The following NRG3 variants were observed in gnomAD, a reference collection of about 807,000 sequenced individuals.
NRG3 encodes pro-neuregulin-3, membrane-bound isoform.
A neutral mutation model predicts 66.9 loss-of-function variants in NRG3; 31 were observed. The observed-to-expected ratio is 0.46, with a 90% CI of 0.35 to 0.63. The LOEUF (loss-of-function observed/expected upper bound fraction) is 0.63, where lower values mean the gene tolerates loss of function less well. Ranked by LOEUF, NRG3 falls within the 20% of genes least tolerant of loss-of-function variation. The pLI, the probability that NRG3 is intolerant of heterozygous loss-of-function variation, is 0.00. For synonymous variants in NRG3, 393 were observed against 359.4 expected, an observed-to-expected ratio of 1.09 and a Z score of -1.06; for missense variants, 910 against 878.9, an observed-to-expected ratio of 1.04 and a Z score of -0.45.
intron 2 of NRG3, among the ~76,000 whole-genome samples, chr10:82,389,440 T>A (rs2086212151): frequency 6.6e-6 from 1 of 152,188 alleles, no homozygotes; most frequent in African/African-American, 2.4e-5. Flanking sequence ...CTTCACATTC[T>A]CATATCTTTA....
rs144283265 is a variant in NRG3 at position 82,543,458 on chromosome 10, C to T, written c.953+184590C>T. On this transcript the variant is annotated intron_variant, in intron 2 of 8. Transcript: ENST00000372141. ...TGCTGTTACAAGTAATTTATCTGTC[C>T]ATCTGTCCATGTATCTATCCACCAA... Among the ~76,000 whole-genome samples, 29 of 152,114 alleles carry T rather than the reference C, an allele frequency of 1.9e-4. No homozygotes were observed. In the East Asian group the frequency reaches 5.6e-3, roughly 29 times the overall value.
In NRG3 at chr10:82,478,596, A is replaced by T. The variant is rs1378444705; in HGVS notation, c.953+119728A>T. Among the ~76,000 whole-genome samples the T allele has an allele frequency of 3.4e-5, 2 of 59,092 alleles. 1 individual carries two copies. The highest frequency in any genetic ancestry group is 8.3e-5 in the African/African-American group (2 of 24,024). The allele number at this position is 59,092 out of a possible 152,430, so 38.8% of individuals were successfully genotyped here. ...TAAGGTCACAGATCAACAGGATCCCAAGGCAGAGGAATTTTTCTTAGTGCA... is the reference window on the plus strand; with the variant it reads ...TAAGGTCACAGATCAACAGGATCCCTAGGCAGAGGAATTTTTCTTAGTGCA... On this transcript the variant is annotated intron_variant, in intron 2 of 8. Transcript: ENST00000372141.
At chr10:82,528,530 G>A (rs1039246030) in intron 2 of NRG3, among the ~76,000 whole-genome samples, 1 of 152,098 alleles carries the variant, frequency 6.6e-6, no homozygotes, top group Non-Finnish European at 1.5e-5. Flanking sequence ...TCTACTGTCA[G>A]GAGGATGACC....
At chr10:82,455,704 T>C (rs1249083023) in intron 2 of NRG3, among the ~76,000 whole-genome samples, 2 of 150,512 alleles carry the variant, frequency 1.3e-5, no homozygotes, top group Admixed American at 1.3e-4. Context: ...AAGCTCCGCC[T>C]CCCGGGTTCA....
chr10:82,970,988 ATC>A (rs1329138742), intron 6 of NRG3, among the ~76,000 whole-genome samples: 1 of 152,216 alleles, frequency 6.6e-6, no homozygotes, highest in African/African-American at 2.4e-5. Flanking sequence ...TGGTGCCAAC[ATC>A]TGCTTCTGGT....
rs573932737 is a variant in NRG3, at chr10:82,608,782, C to T, written c.954-129795C>T. 4.3e-4 allele frequency among the ~76,000 whole-genome samples: 65 copies of T among 152,222 alleles called. No homozygotes were observed. The South Asian group carries it at 5.0e-3, about 12-fold the overall frequency. ...TGTCTTAAGGGTACGCCTTGTTAAGCATAACAGAAAGCTCTGTGTATTTCA... is the reference window on the plus strand; with the variant it reads ...TGTCTTAAGGGTACGCCTTGTTAAGTATAACAGAAAGCTCTGTGTATTTCA... On this transcript the variant is annotated intron_variant, in intron 2 of 8. Coordinates refer to ENST00000372141, the MANE Select transcript of NRG3 (RefSeq NM_001010848.4).
At chr10:82,069,474 A>C (rs2064677800) in intron 1 of NRG3, among the ~76,000 whole-genome samples, 1 of 152,152 alleles carries the variant, frequency 6.6e-6, no homozygotes, top group East Asian at 1.9e-4. Context: ...TGAGGTATAG[A>C]GTGTCAGCTC....
chr10:82,187,973 A>G (rs1478545749), intron 1 of NRG3, among the ~76,000 whole-genome samples: 2 of 152,126 alleles, frequency 1.3e-5, no homozygotes, highest in African/African-American at 2.4e-5. Flanking sequence ...AAAAAAACGT[A>G]AAATGTATAT....
At chr10:82,945,849 G>A (rs536769646) in intron 4 of NRG3, among the ~76,000 whole-genome samples, 4 of 152,138 alleles carry the variant, frequency 2.6e-5, no homozygotes, top group Non-Finnish European at 5.9e-5. Context: ...GAGAAGCTGG[G>A]TACAGAGTTT....
chr10:82,637,568 T>A (rs551269468), intron 2 of NRG3, among the ~76,000 whole-genome samples: 1 of 152,268 alleles, frequency 6.6e-6, no homozygotes, highest in South Asian at 2.1e-4. Context: ...ATCAATAATG[T>A]GTAACCTGTA....
At chr10:82,709,826 G>C (rs1196945761) in intron 2 of NRG3, among the ~76,000 whole-genome samples, 1 of 152,144 alleles carries the variant, frequency 6.6e-6, no homozygotes, top group Non-Finnish European at 1.5e-5. Context: ...TGGGTCCAGG[G>C]CTTTTAAATC....
intron 1 of NRG3, among the ~76,000 whole-genome samples, chr10:82,029,546 G>T (rs964219210): frequency 2.0e-5 from 3 of 152,032 alleles, no homozygotes; most frequent in African/African-American, 4.8e-5. Context: ...ATCTGCTGGC[G>T]TCTCCAAGGG....
At chr10:81,939,632 G>T (rs571571480) in intron 1 of NRG3, among the ~76,000 whole-genome samples, 13 of 148,740 alleles carry the variant, frequency 8.7e-5, no homozygotes, top group Admixed American at 2.0e-4. Flanking sequence ...TTCATTTCTG[G>T]TTTTTGTTAT....
At chr10:82,881,238 T>C (rs1270565199) in intron 4 of NRG3, among the ~76,000 whole-genome samples, 1 of 152,176 alleles carries the variant, frequency 6.6e-6, no homozygotes, top group East Asian at 1.9e-4. Flanking sequence ...CTATTGTGAG[T>C]GAAATAGATT....
chr10:82,357,635 C>T (rs1464283798), intron 1 of NRG3, among the ~76,000 whole-genome samples: 1 of 152,072 alleles, frequency 6.6e-6, no homozygotes, highest in African/African-American at 2.4e-5. Flanking sequence ...CCTTCTTTCT[C>T]TTCTTGAACA....
intron 1 of NRG3, among the ~76,000 whole-genome samples, chr10:82,147,402 G>C (rs1467029525): frequency 6.6e-6 from 1 of 152,094 alleles, no homozygotes; most frequent in African/African-American, 2.4e-5. Flanking sequence ...ATGTCCATAG[G>C]TGTCTATTTA....
At chr10:82,653,554 G>A (rs1350235741) in intron 2 of NRG3, among the ~76,000 whole-genome samples, 3 of 152,016 alleles carry the variant, frequency 2.0e-5, no homozygotes, top group African/African-American at 4.8e-5. Context: ...TTCTTGTAAG[G>A]CCTCAGAGAT....
intron 2 of NRG3, among the ~76,000 whole-genome samples, chr10:82,736,495 C>A (rs1044620391): frequency 6.6e-6 from 1 of 152,228 alleles, no homozygotes; most frequent in African/African-American, 2.4e-5. Context: ...AGCCACACAG[C>A]CCCTGGGGGG....
At chr10:81,915,496 G>GTTTTTTTTTT (rs78693924) in intron 1 of NRG3, among the ~76,000 whole-genome samples, 36,806 of 128,282 alleles carry the variant, frequency 0.29, 6,892 homozygotes, top group East Asian at 0.76. Flanking sequence ...CACTTCTTTA[G>GTTTTTTTTTT]TTTTTTTTTT....
Sources: gnomAD v4.1 joint callset for allele counts (sites outside exome capture counted in the v4.1 genomes callset) on GRCh38, gnomAD v4.1.1 for gene constraint, MANE v1.5 for transcripts, NCBI Gene and HGNC (gene_info 2026-07-23, HGNC 2026-07-21) for gene names.